EDC3: variants seen among roughly 807,000 people sequenced by gnomAD.
EDC3 encodes the protein enhancer of mRNA decapping 3.
Under a neutral mutation model 41.8 loss-of-function variants are expected in EDC3, and 20 were observed. That is an observed-to-expected ratio of 0.48 (90% CI 0.34 to 0.70). EDC3 has a LOEUF of 0.70. Among genes scored for constraint, EDC3 ranks in the 30% least tolerant of loss-of-function variants. EDC3 has a pLI of 0.01. For missense variants in EDC3, 444 were observed against 636.8 expected (o/e 0.70, Z 3.26); for synonymous variants, 206 against 243.2 (o/e 0.85, Z 1.42).
rs899087700 is a variant in EDC3, at chr15:74,640,491, G to A, written c.949C>T (p.Leu317=). 1.1e-5 allele frequency: 17 copies of A among 1,614,078 alleles called. No individual in the cohort carries two copies. Among genetic ancestry groups the A allele is most frequent in the Admixed American group, 3.3e-5 (2 of 60,006 alleles). The change falls in exon 5 of 7, where the codon CTG becomes TTG. Residue 317 remains leucine, a synonymous_variant. Transcript: ENST00000315127. ...CTGTTAGGTCCTCCGAGGAGGGTCA[G>A]TGCCATCTGACTGGCACACACACCT... is the stretch of plus-strand genomic sequence containing the variant. ...MTGVCASQMA[L]TLLGGPNRLN...
intron 4 of EDC3, among the ~76,000 whole-genome samples, chr15:74,648,625 C>G (rs2062444267): frequency 6.6e-6 from 1 of 152,190 alleles, no homozygotes; most frequent in African/African-American, 2.4e-5. Flanking sequence ...GCACCTCACT[C>G]AAGCTTAACT....
intron 3 of EDC3, among the ~76,000 whole-genome samples, chr15:74,658,807 G>T (rs895957998): frequency 2.6e-5 from 4 of 152,024 alleles, no homozygotes; most frequent in Admixed American, 2.6e-4. Flanking sequence ...AGGCATGGTG[G>T]CATGCGCCTG....
At chr15:74,650,708 G>A (rs2062470575) in intron 4 of EDC3, among the ~76,000 whole-genome samples, 1 of 152,182 alleles carries the variant, frequency 6.6e-6, no homozygotes. Context: ...AGAATACCAT[G>A]AGTGTTAGGC....
chr15:74,652,180 T>C (rs2062488567), intron 4 of EDC3, among the ~76,000 whole-genome samples: 1 of 152,116 alleles, frequency 6.6e-6, no homozygotes, highest in Non-Finnish European at 1.5e-5. Context: ...AGTTGGAGGA[T>C]CATCTGTAGT....
chr15:74,682,754 G>A (rs912241108), intron 1 of EDC3, among the ~76,000 whole-genome samples: 17 of 152,198 alleles, frequency 1.1e-4, no homozygotes, highest in African/African-American at 4.1e-4. Context: ...TGGGCGCAGT[G>A]GCTCACGCCT....
chr15:74,669,405 G>A (rs536103685), intron 3 of EDC3, among the ~76,000 whole-genome samples: 78 of 151,242 alleles, frequency 5.2e-4, no homozygotes, highest in African/African-American at 1.9e-3. Flanking sequence ...CCAGCTTCTA[G>A]GGAGGCTGAG....
intron 3 of EDC3, among the ~76,000 whole-genome samples, chr15:74,661,461 G>C (rs1327883066): frequency 6.6e-6 from 1 of 152,132 alleles, no homozygotes; most frequent in African/African-American, 2.4e-5. Context: ...AAAGTGAAAA[G>C]AACACAGAGG....
intron 1 of EDC3, among the ~76,000 whole-genome samples, chr15:74,676,326 C>T (rs144468338): frequency 5.9e-5 from 9 of 152,130 alleles, no homozygotes; most frequent in African/African-American, 2.2e-4. Context: ...GTCTAAGCTT[C>T]CATCTTAAGT....
intron 4 of EDC3, among the ~76,000 whole-genome samples, chr15:74,647,891 A>C (rs1053739113): frequency 6.6e-6 from 1 of 152,230 alleles, no homozygotes; most frequent in African/African-American, 2.4e-5. Context: ...TCTGTCCAGA[A>C]CACCACCCAG....
intron 1 of EDC3, among the ~76,000 whole-genome samples, chr15:74,676,392 G>A (rs1431961682): frequency 2.6e-5 from 4 of 151,974 alleles, no homozygotes; most frequent in African/African-American, 9.7e-5. Flanking sequence ...ATCAAGAGCA[G>A]AAACCAATGA....
intron 1 of EDC3, among the ~76,000 whole-genome samples, chr15:74,690,756 G>A (rs913373226): frequency 6.6e-5 from 10 of 152,090 alleles, no homozygotes; most frequent in Admixed American, 2.0e-4. Context: ...AGACCAGCCT[G>A]GACAACATAG....
intron 4 of EDC3, chr15:74,644,516 T>TG (rs2062390336): frequency 6.6e-6 from 1 of 151,878 alleles, no homozygotes; most frequent in Admixed American, 6.6e-5. Flanking sequence ...TGTCAGGGTG[T>TG]GGGGGAGGGA....
rs547789654 is a variant in EDC3 at position 74,640,483 on chromosome 15, G to A, written c.957C>T (p.Leu319=). The A allele has an allele frequency of 3.7e-6, 6 of 1,614,122 alleles. No individual in the cohort carries two copies. In the African/African-American group the frequency reaches 4.0e-5, roughly 11 times the overall value. The change falls in exon 5 of 7, where the codon CTC becomes CTT. Residue 319 remains leucine (L), a synonymous_variant. Transcript: ENST00000315127. The part of the protein sequence containing the change: ...GVCASQMALT[L]LGGPNRLNPK... ...ACATTTACCTGTTAGGTCCTCCGAG[G>A]AGGGTCAGTGCCATCTGACTGGCAC...
chr15:74,665,090 C>T (rs556328459), intron 3 of EDC3, among the ~76,000 whole-genome samples: 2 of 152,348 alleles, frequency 1.3e-5, no homozygotes, highest in South Asian at 4.1e-4. Flanking sequence ...ATGGCACGAT[C>T]TCGGCTCACT....
rs1323708785 is a variant in EDC3 at position 74,695,959 on chromosome 15, T to C, written c.-98A>G. 6.6e-6 allele frequency: 1 copy of C among 152,240 alleles called. No homozygotes were observed. The highest frequency in any genetic ancestry group is 1.5e-5 in the Non-Finnish European group (1 of 68,296). The allele number at this position is 152,240 out of a possible 1,614,324, so 9.4% of individuals were successfully genotyped here. A position where few individuals can be genotyped will look rare whatever the true frequency, so the allele number is the denominator to read the frequency against. Reference sequence around the variant, plus strand: ...AACACCAGAGGACCCACAGAAGAATTCTCTCCACGCCCACCCCCACAGCAT... The same window carrying C: ...AACACCAGAGGACCCACAGAAGAATCCTCTCCACGCCCACCCCCACAGCAT... On this transcript the variant is annotated 5_prime_UTR_variant, in exon 1 of 7. Coordinates refer to ENST00000315127, the MANE Select transcript of EDC3 (RefSeq NM_025083.5).
rs538873470 is a variant in EDC3 at position 74,665,898 on chromosome 15, G to A, written c.484+5557C>T. Among the ~76,000 whole-genome samples, 5 of 151,144 alleles carry A rather than the reference G, an allele frequency of 3.3e-5. No homozygotes were observed. The East Asian group carries it at 9.8e-4, about 29-fold the overall frequency. ...CTGCAACCTCCGACTCCCAGGTTCAGGCAATTCTTGTGCCTCAGTCTCCTG... is the reference window on the plus strand; with the variant it reads ...CTGCAACCTCCGACTCCCAGGTTCAAGCAATTCTTGTGCCTCAGTCTCCTG... On this transcript the variant is annotated intron_variant, in intron 3 of 6. Transcript: ENST00000315127.
chr15:74,670,108 C>T (rs2062723102), intron 3 of EDC3, among the ~76,000 whole-genome samples: 1 of 150,738 alleles, frequency 6.6e-6, no homozygotes, highest in South Asian at 2.1e-4. Flanking sequence ...TCCACCTGCC[C>T]CAGCCTCCTG....
chr15:74,661,721 ACT>A (rs1453116250), intron 3 of EDC3, among the ~76,000 whole-genome samples: 1 of 141,932 alleles, frequency 7.0e-6, no homozygotes, highest in Non-Finnish European at 1.5e-5. Context: ...ACAGGGCGAG[ACT>A]CTGTCTCAAA....
At position 74,656,123 on chromosome 15, in the gene EDC3, C is replaced by T. The variant is rs986177905; in HGVS notation, c.485-55G>A. ...GTATCCACAGAAAGCGCTCAGTGAACGTGGAAAATACATTAGTCTTTTGTG... is the reference window on the plus strand; with the variant it reads ...GTATCCACAGAAAGCGCTCAGTGAATGTGGAAAATACATTAGTCTTTTGTG... On this transcript the variant is annotated intron_variant, in intron 3 of 6. Transcript: ENST00000315127. 44 of 1,481,550 alleles carry T rather than the reference C, an allele frequency of 3.0e-5. No homozygotes were observed. In the East Asian group the frequency reaches 4.3e-4, roughly 15 times the overall value. The allele number at this position is 1,481,550 out of a possible 1,614,324, so 91.8% of individuals were successfully genotyped here.
Sources: gnomAD v4.1 joint callset for allele counts (sites outside exome capture counted in the v4.1 genomes callset) on GRCh38, gnomAD v4.1.1 for gene constraint, MANE v1.5 for transcripts, NCBI Gene and HGNC (gene_info 2026-07-23, HGNC 2026-07-21) for gene names.